The following TENM3 variants were observed in gnomAD, a reference collection of about 807,000 sequenced individuals.
TENM3 encodes teneurin-3.
TENM3 carries 63 observed loss-of-function variants against 255.1 expected under a neutral mutation model. The observed-to-expected ratio is 0.25, with a 90% confidence interval of 0.20 to 0.30. The LOEUF is 0.30. Ranked by LOEUF, TENM3 falls within the 10% of genes least tolerant of loss-of-function variation. The pLI is 1.00. For missense variants in TENM3, 2,929 were observed against 3,461.1 expected (o/e 0.85, Z 3.86); for synonymous variants, 1,306 against 1,322.3 (o/e 0.99, Z 0.27).
chr4:181,581,937 T>C, the TENM3 span, among the ~76,000 whole-genome samples: 3 of 152,122 alleles, frequency 2.0e-5, no homozygotes, highest in Non-Finnish European at 4.4e-5. Flanking sequence ...TTCGCCATGT[T>C]ACCCAGGCTG....
At chr4:181,682,478 T>C in the TENM3 span, among the ~76,000 whole-genome samples, 1 of 152,306 alleles carries the variant, frequency 6.6e-6, no homozygotes, top group East Asian at 1.9e-4. Context: ...CCCCTCTATA[T>C]GTAGACACGG....
the TENM3 span, among the ~76,000 whole-genome samples, chr4:181,470,484 T>C: frequency 1.3e-5 from 2 of 152,190 alleles, no homozygotes; most frequent in Non-Finnish European, 2.9e-5. Flanking sequence ...CCTGCAAGGT[T>C]GCTTAGTGAT....
the TENM3 span, among the ~76,000 whole-genome samples, chr4:181,506,301 A>G: frequency 6.6e-6 from 1 of 152,058 alleles, no homozygotes; most frequent in Non-Finnish European, 1.5e-5. Context: ...ATTTCTTAGA[A>G]AAGAAAAATC....
In TENM3 at chr4:182,754,693, C is replaced by T. The variant is rs768468591; in HGVS notation, c.4326C>T (p.Ala1442=). ...CAGATGGAGAAATCTCCTTAGTGGCCGGAATACCTTCAGAGTGTGACTGCA... is the reference window on the plus strand; with the variant it reads ...CAGATGGAGAAATCTCCTTAGTGGCTGGAATACCTTCAGAGTGTGACTGCA... ...VTTDGEISLV[A]GIPSECDCKN... Residue 1442 remains alanine (A), a synonymous_variant, in exon 22 of 28, where the codon GCC becomes GCT. Coordinates refer to ENST00000511685, the MANE Select transcript of TENM3 (RefSeq NM_001080477.4). This position sits in a 1 kb window ranked among gnomAD's most constrained non-coding sequence, Gnocchi z 5.1. 2.2e-5 allele frequency: 35 copies of T among 1,613,846 alleles called. No homozygotes were observed. The highest frequency in any genetic ancestry group is 1.3e-4 in the African/African-American group (10 of 74,906).
the TENM3 span, among the ~76,000 whole-genome samples, chr4:181,780,439 T>C: frequency 4.6e-5 from 7 of 152,172 alleles, no homozygotes; most frequent in Non-Finnish European, 8.8e-5. Context: ...TGTCTTCTTT[T>C]AGAAGTGTCT....
the TENM3 span, among the ~76,000 whole-genome samples, chr4:182,019,936 A>G: frequency 6.6e-6 from 1 of 151,964 alleles, no homozygotes; most frequent in Admixed American, 6.6e-5. Flanking sequence ...CAGCCTCCCA[A>G]AGTGCTGGGA....
At chr4:181,738,024 C>A in the TENM3 span, among the ~76,000 whole-genome samples, 29 of 151,446 alleles carry the variant, frequency 1.9e-4, no homozygotes, top group Non-Finnish European at 3.8e-4. Context: ...AGGGAAAGAG[C>A]TGAGAAAGGA....
intron 3 of TENM3, among the ~76,000 whole-genome samples, chr4:182,553,055 C>T (rs1042945341): frequency 1.3e-5 from 2 of 152,100 alleles, no homozygotes; most frequent in African/African-American, 2.4e-5. Context: ...GTAAATATAT[C>T]GTAATTTGCT....
intron 1 of TENM3, among the ~76,000 whole-genome samples, chr4:182,210,960 C>T (rs72696048): frequency 0.069 from 10,569 of 152,192 alleles, 595 homozygotes; most frequent in East Asian, 0.18. Flanking sequence ...CCTTCCAGCC[C>T]CTTCCTATAG....
At chr4:181,805,705 G>A in the TENM3 span, among the ~76,000 whole-genome samples, 7 of 152,114 alleles carry the variant, frequency 4.6e-5, no homozygotes, top group South Asian at 6.2e-4. Flanking sequence ...CATTTGCAGC[G>A]GAACCTTAGC....
At chr4:182,092,204 G>T in the TENM3 span, among the ~76,000 whole-genome samples, 1 of 152,066 alleles carries the variant, frequency 6.6e-6, no homozygotes, top group Non-Finnish European at 1.5e-5. Flanking sequence ...AGCCAGGCAT[G>T]GTGGCACACA....
chr4:182,240,945 C>G (rs1247302719), upstream of TENM3, among the ~76,000 whole-genome samples: 2 of 152,234 alleles, frequency 1.3e-5, no homozygotes, highest in African/African-American at 4.8e-5. Flanking sequence ...CTTTCCCGCT[C>G]CACTGACCTT....
intron 12 of TENM3, among the ~76,000 whole-genome samples, chr4:182,712,772 C>T (rs1012916609): frequency 3.0e-4 from 46 of 152,092 alleles, no homozygotes; most frequent in African/African-American, 1.1e-3. Context: ...ATTTTGTCAC[C>T]GGAGCAATAG....
the TENM3 span, among the ~76,000 whole-genome samples, chr4:181,870,569 T>A: frequency 3.9e-5 from 6 of 152,268 alleles, no homozygotes; most frequent in Non-Finnish European, 8.8e-5. Context: ...TGTTAGCCAT[T>A]CATGAGTCTG....
chr4:181,560,996 A>C, the TENM3 span, among the ~76,000 whole-genome samples: 1 of 152,106 alleles, frequency 6.6e-6, no homozygotes, highest in East Asian at 1.9e-4. Flanking sequence ...TCTGTCGCCC[A>C]GGCTGGAGTG....
At chr4:181,658,090 T>G in the TENM3 span, among the ~76,000 whole-genome samples, 1 of 152,166 alleles carries the variant, frequency 6.6e-6, no homozygotes, top group Non-Finnish European at 1.5e-5. Flanking sequence ...AACGTCAGCA[T>G]CATGCAATAT....
chr4:182,592,654 G>A (rs1448196214), intron 3 of TENM3, among the ~76,000 whole-genome samples: 2 of 152,216 alleles, frequency 1.3e-5, no homozygotes, highest in African/African-American at 4.8e-5. Context: ...GACGGAGGTT[G>A]CAGTGAGCTG....
chr4:181,873,168 A>G, the TENM3 span, among the ~76,000 whole-genome samples: 5 of 152,078 alleles, frequency 3.3e-5, no homozygotes, highest in East Asian at 1.9e-4. Flanking sequence ...CCCGGGTTCA[A>G]GCGATTCTCC....
At chr4:182,329,615 TAAGAG>T (rs1297915926) in intron 2 of TENM3, among the ~76,000 whole-genome samples, 8 of 152,042 alleles carry the variant, frequency 5.3e-5, no homozygotes, top group South Asian at 2.1e-4. Flanking sequence ...ACAATGGAGA[TAAGAG>T]AAGACAACCT....
Sources: gnomAD v4.1 joint callset for allele counts (sites outside exome capture counted in the v4.1 genomes callset) on GRCh38, gnomAD v4.1.1 for gene constraint, Gnocchi (gnomAD v3.1) non-coding constraint, MANE v1.5 for transcripts, NCBI Gene and HGNC (gene_info 2026-07-23, HGNC 2026-07-21) for gene names.